Variants in APP observed in about 807,000 individuals in gnomAD.
APP encodes amyloid-beta precursor protein.
APP carries 31 observed loss-of-function variants against 101.4 expected under a neutral mutation model. That is an observed-to-expected ratio of 0.31 (90% CI 0.23 to 0.41). The LOEUF (loss-of-function observed/expected upper bound fraction) is 0.41, where lower values mean the gene tolerates loss of function less well. Among genes scored for constraint, APP ranks in the 10% least tolerant of loss-of-function variants. APP has a pLI of 1.00. For missense variants in APP, 839 were observed against 1,003.7 expected, an observed-to-expected ratio of 0.84 and a Z score of 2.22; for synonymous variants, 366 against 364.4, an observed-to-expected ratio of 1.00 and a Z score of -0.05.
At chr21:26,132,166 T>G (rs902969801) in intron 1 of APP, among the ~76,000 whole-genome samples, 1 of 152,216 alleles carries the variant, frequency 6.6e-6, no homozygotes, top group Non-Finnish European at 1.5e-5. Flanking sequence ...TAGTTTGCTA[T>G]GATCGAGCCT....
At chr21:25,896,019 T>TGACACAG in intron 16 of APP, among the ~76,000 whole-genome samples, 1 of 152,352 alleles carries the variant, frequency 6.6e-6, no homozygotes, top group East Asian at 1.9e-4. Context: ...TGGGCTTATA[T>TGACACAG]GACACAGGCC....
intron 6 of APP, among the ~76,000 whole-genome samples, chr21:26,000,915 C>T (rs948506494): frequency 9.3e-5 from 14 of 151,104 alleles, no homozygotes; most frequent in Admixed American, 4.6e-4. Context: ...TCTATAACAA[C>T]GTATTATTAA....
intron 8 of APP, among the ~76,000 whole-genome samples, chr21:25,992,724 G>T (rs2042916437): frequency 6.6e-6 from 1 of 152,178 alleles, no homozygotes; most frequent in Admixed American, 6.5e-5. Flanking sequence ...TAATCTGATA[G>T]AATATACTGG....
At chr21:25,905,408 T>C (rs1023290411) in intron 14 of APP, among the ~76,000 whole-genome samples, 12 of 152,312 alleles carry the variant, frequency 7.9e-5, no homozygotes, top group African/African-American at 2.6e-4. Context: ...TTCTTGGCTT[T>C]TGATTAGAAA....
chr21:26,025,729 A>AAATTT (rs1207042642), intron 5 of APP, among the ~76,000 whole-genome samples: 5 of 152,242 alleles, frequency 3.3e-5, no homozygotes, highest in Admixed American at 1.3e-4. Flanking sequence ...CTGGCATAAT[A>AAATTT]ACCAGGAACG....
chr21:25,950,194 T>C (rs112510043), intron 13 of APP, among the ~76,000 whole-genome samples: 7,397 of 152,224 alleles, frequency 0.049, 586 homozygotes, highest in African/African-American at 0.17. Context: ...AAAGAAAGAA[T>C]GTGACCATCA....
intron 3 of APP, among the ~76,000 whole-genome samples, chr21:26,085,672 A>G (rs914307681): frequency 1.3e-5 from 2 of 152,194 alleles, no homozygotes; most frequent in African/African-American, 2.4e-5. Context: ...ACATAAATTC[A>G]AAGAATTACC....
chr21:26,105,374 G>A (rs1343766171), intron 2 of APP, among the ~76,000 whole-genome samples: 2 of 152,164 alleles, frequency 1.3e-5, no homozygotes, highest in Non-Finnish European at 2.9e-5. Flanking sequence ...CAACAGAGGA[G>A]ATGGTAAGAT....
rs111850859 is a variant in APP, at chr21:26,010,655, C to CAAA, written c.866-10476_866-10474dup. Among the ~76,000 whole-genome samples, 440 of 142,836 alleles carry CAAA rather than the reference C, an allele frequency of 3.1e-3. 2 individuals are homozygous for CAAA. Among genetic ancestry groups the CAAA allele is most frequent in the African/African-American group, 0.011 (417 of 39,050 alleles). 93.7% of individuals were successfully genotyped at this position (142,836 alleles called of 152,430 possible). A position where few individuals can be genotyped will look rare whatever the true frequency, so the allele number is the denominator to read the frequency against. ...TGAAACCCTGTCTCTACTAAAACTA[C>CAAA]AAAAAAAAAAAATATATTAGCCGGG... On this transcript the variant is annotated intron_variant, in intron 6 of 17. Coordinates refer to ENST00000346798, the MANE Select transcript of APP (RefSeq NM_000484.4).
intron 2 of APP, among the ~76,000 whole-genome samples, chr21:26,106,850 C>G (rs919679481): frequency 6.6e-6 from 1 of 152,200 alleles, no homozygotes; most frequent in Non-Finnish European, 1.5e-5. Context: ...CATTGACCCA[C>G]GTTGTTTTTC....
intron 11 of APP, among the ~76,000 whole-genome samples, chr21:25,967,890 G>C (rs999367021): frequency 3.9e-5 from 6 of 152,328 alleles, no homozygotes; most frequent in African/African-American, 1.4e-4. Flanking sequence ...GGCCTCCAAA[G>C]GTGGTAGAAG....
chr21:25,955,474 C>T (rs2041272904), intron 12 of APP, among the ~76,000 whole-genome samples, 153 bp downstream of exon 12: 1 of 152,140 alleles, frequency 6.6e-6, no homozygotes, highest in Non-Finnish European at 1.5e-5. Flanking sequence ...TGCTCTAAGA[C>T]AAGCTTTTAG....
At chr21:26,009,590 C>T (rs1336446675) in intron 6 of APP, 1 of 98,286 alleles carries the variant, frequency 1.0e-5, no homozygotes. Flanking sequence ...TTTTTCTTTT[C>T]TTTTCTTTTT....
At chr21:26,055,320 G>A (rs1413001313) in intron 3 of APP, among the ~76,000 whole-genome samples, 1 of 152,066 alleles carries the variant, frequency 6.6e-6, no homozygotes, top group African/African-American at 2.4e-5. Context: ...TTATAACCTA[G>A]CCCCAGAGAT....
At chr21:25,939,139 C>T (rs1428445917) in intron 13 of APP, among the ~76,000 whole-genome samples, 1 of 152,188 alleles carries the variant, frequency 6.6e-6, no homozygotes, top group Admixed American at 6.5e-5. Context: ...CACTTAATCA[C>T]CCAGGATTCT....
intron 6 of APP, among the ~76,000 whole-genome samples, chr21:26,003,284 T>C (rs1001850195): frequency 7.2e-5 from 11 of 152,258 alleles, no homozygotes; most frequent in Non-Finnish European, 1.2e-4. Flanking sequence ...CCTACAACTC[T>C]TGCTGGAGTC....
chr21:26,146,188 G>A (rs994136694), intron 1 of APP, among the ~76,000 whole-genome samples: 1 of 152,132 alleles, frequency 6.6e-6, no homozygotes, highest in African/African-American at 2.4e-5. Flanking sequence ...TACAAAAAAT[G>A]AGCCAGGCGT....
intron 2 of APP, among the ~76,000 whole-genome samples, chr21:26,091,364 G>A (rs1336358719): frequency 6.6e-6 from 1 of 152,152 alleles, no homozygotes; most frequent in East Asian, 1.9e-4. Context: ...GTAGTACTTG[G>A]AGAGTCAAAT....
chr21:26,143,868 A>C (rs2063100988), intron 1 of APP, among the ~76,000 whole-genome samples: 1 of 152,094 alleles, frequency 6.6e-6, no homozygotes, highest in South Asian at 2.1e-4. Context: ...CTGGATTTCA[A>C]CCTCACCCCT....
Sources: allele counts gnomAD v4.1 joint callset (sites outside exome capture counted in the v4.1 genomes callset), GRCh38; gene constraint gnomAD v4.1.1; transcripts MANE v1.5; gene names NCBI Gene and HGNC (gene_info 2026-07-23, HGNC 2026-07-21).